The following OGDH variants were observed in gnomAD, a reference collection of about 807,000 sequenced individuals.
OGDH encodes oxoglutarate dehydrogenase, also known as 2-oxoglutarate dehydrogenase complex component E1.
A neutral mutation model predicts 116.6 loss-of-function variants in OGDH; 38 were observed. The ratio of observed to expected loss-of-function variants is 0.33; its 90% CI spans 0.25 to 0.43. OGDH has a LOEUF of 0.43. Ranked by LOEUF, OGDH falls within the 20% of genes least tolerant of loss-of-function variation. The pLI is 1.00. For synonymous variants in OGDH, 488 were observed against 533.3 expected (o/e 0.92, Z 1.17); for missense variants, 825 against 1,357.2 (o/e 0.61, Z 6.16).
rs1037295168 is a variant in OGDH at position 44,629,575 on chromosome 7, C to CTT, written c.222+5013_222+5014dup. 8.4e-4 allele frequency among the ~76,000 whole-genome samples: 113 copies of CTT among 134,402 alleles called. 4 individuals carry two copies. The highest frequency in any genetic ancestry group is 4.0e-3 in the Middle Eastern group (1 of 252). The allele number at this position is 134,402 out of a possible 152,430, so 88.2% of individuals were successfully genotyped here. Reference sequence around the variant, plus strand: ...TTTCTTTTCTTTCCTTTTTCTTTTTCTTTTCTTTTTTTTTTTTTTTTTTGA... The same window carrying CTT: ...TTTCTTTTCTTTCCTTTTTCTTTTTCTTTTTTCTTTTTTTTTTTTTTTTTTGA... On this transcript the variant is annotated intron_variant, in intron 2 of 22. Transcript: ENST00000222673.
chr7:44,642,879 A>C (rs1786009150), intron 2 of OGDH, among the ~76,000 whole-genome samples: 1 of 151,386 alleles, frequency 6.6e-6, no homozygotes, highest in African/African-American at 2.4e-5. Context: ...CCGAGATTGC[A>C]CTACTGCACT....
chr7:44,689,910 T>C (rs1250498174), intron 10 of OGDH, among the ~76,000 whole-genome samples: 2 of 152,246 alleles, frequency 1.3e-5, no homozygotes, highest in African/African-American at 4.8e-5. Flanking sequence ...TTTTGTTGCT[T>C]GTGATTTTTG....
intron 2 of OGDH, among the ~76,000 whole-genome samples, chr7:44,642,937 T>A (rs62460466): frequency 7.3e-6 from 1 of 136,478 alleles, no homozygotes; most frequent in East Asian, 2.5e-4. Flanking sequence ...AAAAAAAAAT[T>A]TTTAAATATA....
chr7:44,687,953 A>G (rs1459085200), intron 10 of OGDH, among the ~76,000 whole-genome samples: 1 of 152,110 alleles, frequency 6.6e-6, no homozygotes, highest in Non-Finnish European at 1.5e-5. Context: ...GCAACCACTA[A>G]TCTACTTTCT....
Position 44,675,253 on chromosome 7 carries a change from G to A in OGDH, c.1011G>A (p.Leu337=), listed in dbSNP as rs773380202. Residue 337 remains leucine (L), a synonymous_variant, in exon 8 of 23, where the codon CTG becomes CTA. Transcript: ENST00000222673. ...TCTTCTGTCAATTCGATTCAAAGCTGGAGGCAGCTGATGAGGTGAGGCACC... is the reference window on the plus strand; with the variant it reads ...TCTTCTGTCAATTCGATTCAAAGCTAGAGGCAGCTGATGAGGTGAGGCACC... ...EQIFCQFDSK[L]EAADEGSGDV... is the part of the protein sequence containing the mutation. 1.4e-5 allele frequency: 22 copies of A among 1,613,980 alleles called. No homozygotes were observed. The African/African-American group carries it at 2.4e-4, about 18-fold the overall frequency.
chr7:44,607,562 TG>T (rs1784402723), intron 1 of OGDH, among the ~76,000 whole-genome samples: 1 of 152,196 alleles, frequency 6.6e-6, no homozygotes, highest in Non-Finnish European at 1.5e-5. Flanking sequence ...AGCCTTTTTT[TG>T]TAAGGCAGCA....
At chr7:44,672,070 AAAAT>A (rs1585333148) in intron 5 of OGDH, among the ~76,000 whole-genome samples, 2 of 152,096 alleles carry the variant, frequency 1.3e-5, no homozygotes, top group South Asian at 2.1e-4. Flanking sequence ...CTCCATCTCA[AAAAT>A]AAATAAATTA....
At chr7:44,635,228 G>A (rs1785611017) in intron 2 of OGDH, among the ~76,000 whole-genome samples, 1 of 152,182 alleles carries the variant, frequency 6.6e-6, no homozygotes, top group Non-Finnish European at 1.5e-5. Context: ...GGCTGGATTA[G>A]AATGAGCTGA....
At chr7:44,609,153 G>GT (rs1784466588) in intron 1 of OGDH, among the ~76,000 whole-genome samples, 2 of 152,094 alleles carry the variant, frequency 1.3e-5, no homozygotes, top group East Asian at 3.9e-4. Context: ...TTTGGGATTG[G>GT]TTTTTTCCAG....
intron 10 of OGDH, among the ~76,000 whole-genome samples, chr7:44,693,101 G>A (rs192783250): frequency 2.6e-5 from 4 of 152,224 alleles, no homozygotes; most frequent in African/African-American, 9.6e-5. Flanking sequence ...AAGGTCAGGA[G>A]TTCAAAATCA....
rs574953821 is a variant in OGDH at position 44,619,881 on chromosome 7, T to G, written c.-27-4436T>G. On this transcript the variant is annotated intron_variant, in intron 1 of 22. Coordinates refer to ENST00000222673, the MANE Select transcript of OGDH (RefSeq NM_002541.4). ...CTATTCAAATCCTTTACCTATTTTTTGATTGGGTTGTCTTTTTACTGTTGC... is the reference window on the plus strand; with the variant it reads ...CTATTCAAATCCTTTACCTATTTTTGGATTGGGTTGTCTTTTTACTGTTGC... Among the ~76,000 whole-genome samples, 8 of 152,310 alleles carry G rather than the reference T, an allele frequency of 5.3e-5. No homozygotes were observed. In the South Asian group the frequency reaches 1.7e-3, roughly 32 times the overall value.
At chr7:44,613,148 T>C (rs1396980468) in intron 1 of OGDH, among the ~76,000 whole-genome samples, 1 of 151,336 alleles carries the variant, frequency 6.6e-6, no homozygotes, top group Admixed American at 6.6e-5. Flanking sequence ...AGTGCTGGGA[T>C]TACAGGCATG....
chr7:44,656,075 CCTT>C (rs1175606733), intron 4 of OGDH, among the ~76,000 whole-genome samples: 2 of 152,288 alleles, frequency 1.3e-5, no homozygotes, highest in South Asian at 2.1e-4. Flanking sequence ...AACCTCCCCT[CCTT>C]CTGATTCACC....
chr7:44,622,031 A>G (rs1017434896), intron 1 of OGDH, among the ~76,000 whole-genome samples: 7 of 152,158 alleles, frequency 4.6e-5, no homozygotes, highest in African/African-American at 1.7e-4. Flanking sequence ...GTGTTTTACG[A>G]TTGTCAGTTC....
In OGDH at chr7:44,708,026, T is replaced by C; in HGVS notation, c.*27T>C. On this transcript the variant is annotated 3_prime_UTR_variant, in exon 23 of 23. Transcript: ENST00000222673. Reference sequence around the variant, plus strand: ...TGCTGCCTAGGGTTGCTTGGGCCACTGCCCTCTCCACACCCATGACTGCCC... The same window carrying C: ...TGCTGCCTAGGGTTGCTTGGGCCACCGCCCTCTCCACACCCATGACTGCCC... The C allele has an allele frequency of 6.2e-7, 1 of 1,606,490 alleles. No individual in the cohort carries two copies. Among genetic ancestry groups the C allele is most frequent in the South Asian group, 1.1e-5 (1 of 90,658 alleles).
chr7:44,687,231 G>A (rs886531467), intron 10 of OGDH, among the ~76,000 whole-genome samples: 1 of 150,260 alleles, frequency 6.7e-6, no homozygotes, highest in African/African-American at 2.5e-5. Flanking sequence ...CTGAGTAGCC[G>A]GGACTACAGG....
intron 1 of OGDH, among the ~76,000 whole-genome samples, chr7:44,610,212 A>G (rs1178259175): frequency 6.6e-6 from 1 of 151,620 alleles, no homozygotes; most frequent in African/African-American, 2.4e-5. Flanking sequence ...GAGAATTCCT[A>G]ATGTATTCTA....
intron 1 of OGDH, among the ~76,000 whole-genome samples, chr7:44,612,097 G>T (rs1453564158): frequency 3.9e-5 from 6 of 151,956 alleles, no homozygotes; most frequent in Admixed American, 3.3e-4. Flanking sequence ...GTGTTTTTTG[G>T]TTTTTGTGGG....
Position 44,697,683 on chromosome 7 carries a change from G to A in OGDH, c.2259G>A (p.Thr753=), listed in dbSNP as rs759007246. ...CCCAATTTGGTGACTTCCACAACAC[G>A]GCCCAGTGTATCATCGACCAGTTCA... The part of the protein sequence containing the change: ...WEAQFGDFHN[T]AQCIIDQFIC... The change falls in exon 17 of 23, where the codon ACG becomes ACA. Residue 753 remains threonine, a synonymous_variant. Transcript: ENST00000222673. This position sits in a 1 kb window ranked among gnomAD's most constrained non-coding sequence, Gnocchi z 6.0. 5.0e-6 allele frequency: 8 copies of A among 1,614,262 alleles called. No homozygotes were observed. Among genetic ancestry groups the A allele is most frequent in the African/African-American group, 1.3e-5 (1 of 75,064 alleles).
Sources: allele counts gnomAD v4.1 joint callset (sites outside exome capture counted in the v4.1 genomes callset), GRCh38; gene constraint gnomAD v4.1.1; non-coding constraint Gnocchi (gnomAD v3.1); transcripts MANE v1.5; gene names NCBI Gene and HGNC (gene_info 2026-07-23, HGNC 2026-07-21).